The following CNNM4 variants were observed in gnomAD, a reference collection of about 807,000 sequenced individuals.
The protein encoded by CNNM4 is metal transporter CNNM4.
Under a neutral mutation model 53.7 loss-of-function variants are expected in CNNM4, and 32 were observed. The ratio of observed to expected loss-of-function variants is 0.60; its 90% CI spans 0.45 to 0.80. CNNM4 has a LOEUF of 0.80. Among genes scored for constraint, CNNM4 ranks in the 30% least tolerant of loss-of-function variants. The pLI is 0.00. For synonymous variants in CNNM4, 410 were observed against 440.0 expected, an observed-to-expected ratio of 0.93 and a Z score of 0.85; for missense variants, 784 against 1,022.0, an observed-to-expected ratio of 0.77 and a Z score of 3.17.
rs539978368 is a variant in CNNM4, at chr2:96,779,991, G to A, written c.1403-17021G>A. Among the ~76,000 whole-genome samples, 9 of 152,082 alleles carry A rather than the reference G, an allele frequency of 5.9e-5. No individual in the cohort carries two copies. The South Asian group carries it at 1.9e-3, about 32-fold the overall frequency. ...CTAATTTTTGTATTTTAGTAGAGAC[G>A]GGGTTTCACCATGTTGGCTGGGATG... On this transcript the variant is annotated intron_variant, in intron 1 of 6. Coordinates refer to ENST00000377075, the MANE Select transcript of CNNM4 (RefSeq NM_020184.4).
intron 1 of CNNM4, among the ~76,000 whole-genome samples, chr2:96,780,596 G>T (rs764543240): frequency 2.0e-5 from 3 of 151,910 alleles, no homozygotes; most frequent in Non-Finnish European, 2.9e-5. Context: ...CTCTGTGTAT[G>T]GGGGTTCTCA....
chr2:96,764,831 C>T (rs928133945), intron 1 of CNNM4, among the ~76,000 whole-genome samples: 19 of 151,756 alleles, frequency 1.3e-4, no homozygotes, highest in Non-Finnish European at 2.8e-4. Context: ...ACTAAAAATA[C>T]AAAAAATTAT....
chr2:96,807,775 G>A (rs1335735739), intron 5 of CNNM4, among the ~76,000 whole-genome samples: 2 of 152,094 alleles, frequency 1.3e-5, no homozygotes, highest in African/African-American at 4.8e-5. Flanking sequence ...TGTGGGGTGT[G>A]TATTCACAGA....
intron 1 of CNNM4, among the ~76,000 whole-genome samples, chr2:96,795,490 C>A (rs986780011): frequency 1.3e-5 from 2 of 149,596 alleles, no homozygotes; most frequent in Admixed American, 6.6e-5. Flanking sequence ...ATGCAGTACC[C>A]CCCCCCCCAT....
At chr2:96,795,039 G>A (rs993684879) in intron 1 of CNNM4, among the ~76,000 whole-genome samples, 4 of 152,256 alleles carry the variant, frequency 2.6e-5, no homozygotes, top group East Asian at 1.9e-4. Flanking sequence ...GCCCAATGGC[G>A]TGTATTCTGC....
chr2:96,781,559 G>T (rs969835141), intron 1 of CNNM4, among the ~76,000 whole-genome samples: 12 of 152,212 alleles, frequency 7.9e-5, no homozygotes, highest in African/African-American at 2.9e-4. Context: ...ATGAGGCTTT[G>T]TCGGTCCTAG....
In CNNM4 at chr2:96,765,024, G is replaced by GTTTTTTTTTTTTT. The variant is rs1158502593; in HGVS notation, c.1402+2653_1402+2665dup. On this transcript the variant is annotated intron_variant, in intron 1 of 6. Coordinates refer to ENST00000377075, the MANE Select transcript of CNNM4 (RefSeq NM_020184.4). ...GTTTAGGAGTCTGGTGTTGGGAATG[G>GTTTTTTTTTTTTT]TTTTTTTTTTTTTTTTTTTTTTTTT... Among the ~76,000 whole-genome samples, 3 of 41,558 alleles carry GTTTTTTTTTTTTT rather than the reference G, an allele frequency of 7.2e-5. 1 individual carries two copies. The highest frequency in any genetic ancestry group is 1.3e-4 in the Non-Finnish European group (3 of 22,800). 27.3% of individuals were successfully genotyped at this position (41,558 alleles called of 152,430 possible).
At position 96,808,550 on chromosome 2, in the gene CNNM4, T is replaced by C; in HGVS notation, c.1949-11T>C. On this transcript the variant is annotated splice_polypyrimidine_tract_variant and intron_variant, in intron 5 of 6. Transcript: ENST00000377075. This position sits in a 1 kb window ranked among gnomAD's most constrained non-coding sequence, Gnocchi z 4.9. ...TGGCCTTTGGCATGACAACCTCTGC[T>C]CTCCCTGCAGACCGTTCCCCAGCAC... 7 of 1,613,662 alleles carry C rather than the reference T, an allele frequency of 4.3e-6. No individual in the cohort carries two copies. The highest frequency in any genetic ancestry group is 5.9e-6 in the Non-Finnish European group (7 of 1,179,894).
rs541483153 is a variant in CNNM4 at position 96,765,695 on chromosome 2, C to T, written c.1402+3294C>T. 9.9e-5 allele frequency among the ~76,000 whole-genome samples: 15 copies of T among 152,238 alleles called. No homozygotes were observed. The East Asian group carries it at 1.4e-3, about 14-fold the overall frequency. The stretch of plus-strand genomic sequence containing the variant: ...CACCACTCAGTGCTTGGTAAAGAGA[C>T]GGGTCTCCAGTAAGTGTTGGACAAA... On this transcript the variant is annotated intron_variant, in intron 1 of 6. Coordinates refer to ENST00000377075, the MANE Select transcript of CNNM4 (RefSeq NM_020184.4).
At chr2:96,798,587 C>G (rs2079127467) in intron 3 of CNNM4, among the ~76,000 whole-genome samples, 1 of 152,170 alleles carries the variant, frequency 6.6e-6, no homozygotes, top group African/African-American at 2.4e-5. Flanking sequence ...CCTTCCCACC[C>G]CTTACTTGCT....
At chr2:96,783,687 G>A (rs1416026910) in intron 1 of CNNM4, among the ~76,000 whole-genome samples, 3 of 152,074 alleles carry the variant, frequency 2.0e-5, no homozygotes, top group African/African-American at 7.2e-5. Context: ...CCCTTTCTTT[G>A]ACTCCTATCT....
At chr2:96,805,633 G>C (rs1434543398) in intron 5 of CNNM4, among the ~76,000 whole-genome samples, 2 of 117,756 alleles carry the variant, frequency 1.7e-5, no homozygotes, top group African/African-American at 6.7e-5. Context: ...CTTGAGATTA[G>C]GGATTGGTGA....
chr2:96,809,086 C>A, intron 6 of CNNM4: 1 of 861,488 alleles, frequency 1.2e-6, no homozygotes, highest in Non-Finnish European at 1.7e-6. Context: ...AAGCGATTTG[C>A]CCGCCTCAGC....
rs887113108 is a variant in CNNM4, at chr2:96,811,269, G to A, written c.*1752G>A. ...ACACCAGACTTTTGTTCCCTAGTGG[G>A]GGAAAGCCCTTAGTCTTGTACAGGA... On this transcript the variant is annotated 3_prime_UTR_variant, in exon 7 of 7. Transcript: ENST00000377075. The A allele has an allele frequency of 2.6e-5, 4 of 152,204 alleles. No individual in the cohort carries two copies. Among genetic ancestry groups the A allele is most frequent in the African/African-American group, 9.7e-5 (4 of 41,446 alleles). 9.4% of individuals were successfully genotyped at this position (152,204 alleles called of 1,614,324 possible). A position where few individuals can be genotyped will look rare whatever the true frequency, so the allele number is the denominator to read the frequency against.
chr2:96,788,939 C>T (rs2079037400), intron 1 of CNNM4: 1 of 152,190 alleles, frequency 6.6e-6, no homozygotes, highest in Admixed American at 6.5e-5. Flanking sequence ...TGTAACCCAG[C>T]ACCTATAATA....
At position 96,765,267 on chromosome 2, in the gene CNNM4, C is replaced by T. The variant is rs368828798; in HGVS notation, c.1402+2866C>T. Among the ~76,000 whole-genome samples, 35 of 150,830 alleles carry T rather than the reference C, an allele frequency of 2.3e-4. 1 individual carries two copies. In the South Asian group the frequency reaches 6.6e-3, roughly 28 times the overall value. On this transcript the variant is annotated intron_variant, in intron 1 of 6. Transcript: ENST00000377075. The stretch of plus-strand genomic sequence containing the variant: ...TCAGCCTCCTGAGTAGCTGGGGTTA[C>T]GGGCATGTGCCACCACCCCTGGCTA...
At position 96,809,722 on chromosome 2, in the gene CNNM4, G is replaced by C. The variant is rs375409792; in HGVS notation, c.*205G>C. 23 of 512,610 alleles carry C rather than the reference G, an allele frequency of 4.5e-5. No homozygotes were observed. The highest frequency in any genetic ancestry group is 3.4e-4 in the African/African-American group (18 of 52,754). The allele number at this position is 512,610 out of a possible 1,614,324, so 31.8% of individuals were successfully genotyped here. On this transcript the variant is annotated 3_prime_UTR_variant, in exon 7 of 7. Transcript: ENST00000377075. The stretch of plus-strand genomic sequence containing the variant: ...GGTGGCACTGTCCAGCCCTGGATAG[G>C]GGGGGCAGTGGGCCAGCTACCGTAA...
chr2:96,770,967 A>G (rs1460275612), intron 1 of CNNM4, among the ~76,000 whole-genome samples: 1 of 152,212 alleles, frequency 6.6e-6, no homozygotes, highest in Non-Finnish European at 1.5e-5. Flanking sequence ...CTGTGGTCTT[A>G]GGGATTCTTG....
chr2:96,803,900 T>G (rs920690134), intron 5 of CNNM4, among the ~76,000 whole-genome samples: 2 of 152,154 alleles, frequency 1.3e-5, no homozygotes, highest in African/African-American at 4.8e-5. Context: ...CTCTGTTTTT[T>G]TGTTTGTTTG....
Sources: gnomAD v4.1 joint callset for allele counts (sites outside exome capture counted in the v4.1 genomes callset) on GRCh38, gnomAD v4.1.1 for gene constraint, Gnocchi (gnomAD v3.1) non-coding constraint, MANE v1.5 for transcripts, NCBI Gene and HGNC (gene_info 2026-07-23, HGNC 2026-07-21) for gene names.